ITFG1: variants seen among roughly 807,000 people sequenced by gnomAD.
The protein encoded by ITFG1 is integrin alpha FG-GAP repeat containing 1, also known as T-cell immunomodulatory protein.
In ITFG1, 34 loss-of-function variants were observed where a neutral mutation model predicts 81.8. That is an observed-to-expected ratio of 0.42 (90% CI 0.32 to 0.55). The LOEUF (loss-of-function observed/expected upper bound fraction) is 0.55. Among genes scored for constraint, ITFG1 ranks in the 20% least tolerant of loss-of-function variants. The pLI, the probability that ITFG1 is intolerant of heterozygous loss-of-function variation, is 0.17. For missense variants in ITFG1, 672 were observed against 755.4 expected (o/e 0.89, Z 1.29); for synonymous variants, 285 against 270.6 (o/e 1.05, Z -0.52).
chr16:47,235,006 G>A (rs1319800484), intron 13 of ITFG1, among the ~76,000 whole-genome samples: 1 of 152,160 alleles, frequency 6.6e-6, no homozygotes. Flanking sequence ...TAAGTTTCCT[G>A]AATCCTCCCC....
Position 47,357,041 on chromosome 16 carries a change from TA to T in ITFG1, c.802+8746del, listed in dbSNP as rs898658593. ...AATCACTTTCATAGTACTGTTGCAA[TA>T]AAAAAAAAAAAGAAAGAGCTATGCA... On this transcript the variant is annotated intron_variant, in intron 8 of 17. Transcript: ENST00000320640. 5.8e-3 allele frequency among the ~76,000 whole-genome samples: 796 copies of T among 136,798 alleles called. 2 individuals carry two copies. Among genetic ancestry groups the T allele is most frequent in the African/African-American group, 0.013 (483 of 37,428 alleles). 89.7% of individuals were successfully genotyped at this position (136,798 alleles called of 152,430 possible).
At chr16:47,440,769 T>C (rs567390226) in intron 5 of ITFG1, among the ~76,000 whole-genome samples, 1 of 151,926 alleles carries the variant, frequency 6.6e-6, no homozygotes, top group South Asian at 2.1e-4. Context: ...ATATCACAAT[T>C]AAAAGAACTA....
chr16:47,399,363 G>C (rs1458454429), intron 6 of ITFG1, among the ~76,000 whole-genome samples: 1 of 152,132 alleles, frequency 6.6e-6, no homozygotes, highest in Non-Finnish European at 1.5e-5. Context: ...CATAAGGTCA[G>C]GAGATCGAGA....
chr16:47,438,033 A>G (rs571716773), intron 5 of ITFG1, among the ~76,000 whole-genome samples: 1 of 152,352 alleles, frequency 6.6e-6, no homozygotes, highest in Non-Finnish European at 1.5e-5. Context: ...CCAGGAGATT[A>G]CATCCTGCAC....
At chr16:47,427,298 C>T (rs1322387477) in intron 6 of ITFG1, among the ~76,000 whole-genome samples, 3 of 152,152 alleles carry the variant, frequency 2.0e-5, no homozygotes, top group East Asian at 3.9e-4. Context: ...ACCTAATGAA[C>T]TGAAACATAC....
In ITFG1 at chr16:47,163,275, A is replaced by C. The variant is rs116093900; in HGVS notation, c.1454-611T>G. Among the ~76,000 whole-genome samples, 823 of 152,260 alleles carry C rather than the reference A, an allele frequency of 5.4e-3. 6 individuals carry two copies. Among genetic ancestry groups the C allele is most frequent in the African/African-American group, 0.019 (788 of 41,556 alleles). On this transcript the variant is annotated intron_variant, in intron 14 of 17. Transcript: ENST00000320640. ...ATCACTTGAGAAAGAAACTCCATAC[A>C]CATGAGAAGCCATGTCTGTTTCCAA...
At chr16:47,320,305 G>C (rs1967429095) in intron 8 of ITFG1, among the ~76,000 whole-genome samples, 1 of 152,086 alleles carries the variant, frequency 6.6e-6, no homozygotes, top group African/African-American at 2.4e-5. Context: ...TTTTATCTGT[G>C]ATTTACTAAT....
intron 8 of ITFG1, among the ~76,000 whole-genome samples, chr16:47,336,868 G>A (rs903274637): frequency 6.6e-6 from 1 of 151,414 alleles, no homozygotes; most frequent in Admixed American, 6.6e-5. Context: ...GAGGCTGAGG[G>A]AGAAGAATTG....
intron 13 of ITFG1, among the ~76,000 whole-genome samples, chr16:47,225,499 A>T (rs1965746342): frequency 6.6e-6 from 1 of 152,234 alleles, no homozygotes; most frequent in East Asian, 1.9e-4. Flanking sequence ...TGCCTATCAT[A>T]TCATAGTTAA....
chr16:47,436,395 A>T (rs1191745104), intron 5 of ITFG1, among the ~76,000 whole-genome samples: 1 of 152,204 alleles, frequency 6.6e-6, no homozygotes, highest in Non-Finnish European at 1.5e-5. Flanking sequence ...TGAATTATTT[A>T]AACTGTCAGC....
At chr16:47,264,593 G>C (rs937137026) in intron 10 of ITFG1, among the ~76,000 whole-genome samples, 19 of 139,350 alleles carry the variant, frequency 1.4e-4, no homozygotes, top group African/African-American at 2.5e-4. Flanking sequence ...CACACACACA[G>C]AGATAGAGAG....
intron 6 of ITFG1, among the ~76,000 whole-genome samples, chr16:47,385,992 C>T (rs2151594069): frequency 6.6e-6 from 1 of 152,108 alleles, no homozygotes. Context: ...TAAAAAAAGC[C>T]ACAGCCAAAA....
chr16:47,172,053 G>T (rs1390512760), intron 14 of ITFG1, among the ~76,000 whole-genome samples: 1 of 152,066 alleles, frequency 6.6e-6, no homozygotes, highest in Non-Finnish European at 1.5e-5. Flanking sequence ...CTTGACTTAG[G>T]TTAGTCCCCA....
Position 47,281,549 on chromosome 16 carries a change from T to C in ITFG1, c.1071-20854A>G, listed in dbSNP as rs185413837. ...GAAGGTTGTGGTTAAAGTTTTAATC[T>C]CTTTAATAGTTATACAATGGTTCCT... On this transcript the variant is annotated intron_variant, in intron 10 of 17. Coordinates refer to ENST00000320640, the MANE Select transcript of ITFG1 (RefSeq NM_030790.5). 2.0e-3 allele frequency among the ~76,000 whole-genome samples: 310 copies of C among 152,312 alleles called. 4 individuals are homozygous for C. Among genetic ancestry groups the C allele is most frequent in the Non-Finnish European group, 2.8e-4 (19 of 68,026 alleles).
At chr16:47,368,661 T>A (rs1368187382) in intron 7 of ITFG1, among the ~76,000 whole-genome samples, 1 of 146,484 alleles carries the variant, frequency 6.8e-6, no homozygotes, top group African/African-American at 2.5e-5. Context: ...TTAAAATATA[T>A]CAGCCTTCTA....
chr16:47,284,661 C>A, intron 10 of ITFG1, among the ~76,000 whole-genome samples: 1 of 152,146 alleles, frequency 6.6e-6, no homozygotes, highest in East Asian at 1.9e-4. Context: ...ACAACCACCC[C>A]CATTAAAATT....
chr16:47,283,939 CTGATAT>C (rs1966860935), intron 10 of ITFG1, among the ~76,000 whole-genome samples: 1 of 152,184 alleles, frequency 6.6e-6, no homozygotes, highest in South Asian at 2.1e-4. Flanking sequence ...ACTGATATAT[CTGATAT>C]TAAGGGTAAA....
At chr16:47,410,652 C>G (rs1329689639) in intron 6 of ITFG1, among the ~76,000 whole-genome samples, 1 of 152,150 alleles carries the variant, frequency 6.6e-6, no homozygotes, top group African/African-American at 2.4e-5. Flanking sequence ...TGGCCCTAAA[C>G]AGCTCCTAAG....
intron 6 of ITFG1, among the ~76,000 whole-genome samples, chr16:47,417,436 T>C (rs1300333048): frequency 6.6e-6 from 1 of 152,224 alleles, no homozygotes; most frequent in Non-Finnish European, 1.5e-5. Context: ...TACTTTGAAA[T>C]ACAGAATATA....
Sources: allele counts gnomAD v4.1 joint callset (sites outside exome capture counted in the v4.1 genomes callset), GRCh38; gene constraint gnomAD v4.1.1; transcripts MANE v1.5; gene names NCBI Gene and HGNC (gene_info 2026-07-23, HGNC 2026-07-21).